The following DYNC1H1 variants were observed in gnomAD, a reference collection of about 807,000 sequenced individuals.
The protein encoded by DYNC1H1 is cytoplasmic dynein 1 heavy chain 1.
Under a neutral mutation model 527.1 loss-of-function variants are expected in DYNC1H1, and 51 were observed. That is an observed-to-expected ratio of 0.10 (90% CI 0.08 to 0.12). DYNC1H1 has a LOEUF of 0.12. DYNC1H1 is among the 10% of genes least tolerant of loss of function. The pLI is 1.00. For synonymous variants in DYNC1H1, 2,189 were observed against 2,278.8 expected, an observed-to-expected ratio of 0.96 and a Z score of 1.12; for missense variants, 2,771 against 5,971.8, an observed-to-expected ratio of 0.46 and a Z score of 17.66.
chr14:101,975,618 G>A, intron 1 of DYNC1H1, 94 bp from the exon 2 acceptor site: 9 of 1,156,282 alleles, frequency 7.8e-6, no homozygotes, highest in Non-Finnish European at 1.2e-5. Flanking sequence ...ATGTCAGGCT[G>A]GGAGTAGGGA....
At chr14:101,989,974 C>G (rs1458687077) in intron 10 of DYNC1H1, among the ~76,000 whole-genome samples, 1 of 152,144 alleles carries the variant, frequency 6.6e-6, no homozygotes, top group Non-Finnish European at 1.5e-5. Context: ...CAGTTGCCTA[C>G]AGTATTCAGT....
At position 102,034,362 on chromosome 14, in the gene DYNC1H1, A is replaced by G. The variant is rs2152592306; in HGVS notation, c.10664A>G (p.Asn3555Ser). 14 of 1,614,210 alleles carry G rather than the reference A, an allele frequency of 8.7e-6. No homozygotes were observed. The highest frequency in any genetic ancestry group is 1.2e-5 in the Non-Finnish European group (14 of 1,180,036). ...TDIARTEYLS[N>S]ADERLRWQAS... ...ATTGCCAGGACGGAATACCTTTCCA[A>G]TGCTGATGAGCGTCTTCGCTGGCAG... is the stretch of plus-strand genomic sequence containing the variant. The change falls in exon 56 of 78, where the codon AAT (asparagine) becomes AGT (serine). Residue 3555 changes from asparagine (N) to serine (S), a missense_variant. Asn to Ser is a conservative substitution (Grantham distance 46). Coordinates refer to ENST00000360184, the MANE Select transcript of DYNC1H1 (RefSeq NM_001376.5).
rs555932101 is a variant in DYNC1H1, at chr14:102,029,469, C to A, written c.9469-70C>A. 8 of 1,609,430 alleles carry A rather than the reference C, an allele frequency of 5.0e-6. No individual in the cohort carries two copies. In the Admixed American group the frequency reaches 1.2e-4, roughly 24 times the overall value. On this transcript the variant is annotated intron_variant, in intron 48 of 77. Transcript: ENST00000360184. This position sits in a 1 kb window ranked among gnomAD's most constrained non-coding sequence, Gnocchi z 5.3. Reference sequence around the variant, plus strand: ...TCATGTCACACCCATCTGCCAAGGCCAAAATTGTTTTCTGAGGTTAAGTCA... The same window carrying A: ...TCATGTCACACCCATCTGCCAAGGCAAAAATTGTTTTCTGAGGTTAAGTCA...
In DYNC1H1 at chr14:102,029,750, G is replaced by A. The variant is rs2048489227; in HGVS notation, c.9642+38G>A. 6.2e-7 allele frequency: 1 copy of A among 1,614,046 alleles called. No individual in the cohort carries two copies. Among genetic ancestry groups the A allele is most frequent in the African/African-American group, 1.3e-5 (1 of 74,920 alleles). ...CACAAATTCCTCACGGGAGTGAGCT[G>A]CAGTGAGGACCCCTTTCCATATAAT... is the stretch of plus-strand genomic sequence containing the variant. On this transcript the variant is annotated intron_variant, in intron 49 of 77. Coordinates refer to ENST00000360184, the MANE Select transcript of DYNC1H1 (RefSeq NM_001376.5). This position sits in a 1 kb window ranked among gnomAD's most constrained non-coding sequence, Gnocchi z 5.3.
rs764787477 is a variant in DYNC1H1 at position 102,033,605 on chromosome 14, G to A, written c.10413+121G>A. The A allele has an allele frequency of 7.6e-7, 1 of 1,323,804 alleles. No individual in the cohort carries two copies. Among genetic ancestry groups the A allele is most frequent in the Non-Finnish European group, 1.1e-6 (1 of 950,246 alleles). 82.0% of individuals were successfully genotyped at this position (1,323,804 alleles called of 1,614,324 possible). A position where few individuals can be genotyped will look rare whatever the true frequency, so the allele number is the denominator to read the frequency against. On this transcript the variant is annotated intron_variant, in intron 54 of 77. Coordinates refer to ENST00000360184, the MANE Select transcript of DYNC1H1 (RefSeq NM_001376.5). This position sits in a 1 kb window ranked among gnomAD's most constrained non-coding sequence, Gnocchi z 5.6. ...GAATTCGCTCTTTAACATCTGTAAG[G>A]CCCCGGAGGACTTTTTTCCTGGAAA... is the stretch of plus-strand genomic sequence containing the variant.
At chr14:101,966,570 T>C (rs2047670679) in intron 1 of DYNC1H1, among the ~76,000 whole-genome samples, 1 of 152,206 alleles carries the variant, frequency 6.6e-6, no homozygotes, top group East Asian at 1.9e-4. Context: ...CATTTTTCAA[T>C]GCATATTCGT....
intron 16 of DYNC1H1, among the ~76,000 whole-genome samples, chr14:101,998,447 C>T (rs755778823): frequency 2.0e-5 from 3 of 152,106 alleles, no homozygotes; most frequent in Non-Finnish European, 2.9e-5. Flanking sequence ...GGGTCCCAGG[C>T]GATTGGTTTG....
In DYNC1H1 at chr14:102,018,300, G is replaced by C. The variant is rs777057124; in HGVS notation, c.8178-151G>C. ...CCCCAAGCCTGAGCAGCGTGTGTGT[G>C]ATCTCAGCTAACACTGATGTCAAGT... On this transcript the variant is annotated intron_variant, in intron 40 of 77. Coordinates refer to ENST00000360184, the MANE Select transcript of DYNC1H1 (RefSeq NM_001376.5). This position sits in a 1 kb window ranked among gnomAD's most constrained non-coding sequence, Gnocchi z 5.2. The C allele has an allele frequency of 6.5e-6, 7 of 1,074,128 alleles. No individual in the cohort carries two copies. Among genetic ancestry groups the C allele is most frequent in the African/African-American group, 1.6e-5 (1 of 64,248 alleles). The allele number at this position is 1,074,128 out of a possible 1,614,324, so 66.5% of individuals were successfully genotyped here. A position where few individuals can be genotyped will look rare whatever the true frequency, so the allele number is the denominator to read the frequency against.
At position 102,014,512 on chromosome 14, in the gene DYNC1H1, A is replaced by G. The variant is rs1460644300; in HGVS notation, c.7015-593A>G. Reference sequence around the variant, plus strand: ...GCCATTGCATTCGAGCCTGGGCAACAGGAGCAAAACTCCATCTCAAAAAAA... The same window carrying G: ...GCCATTGCATTCGAGCCTGGGCAACGGGAGCAAAACTCCATCTCAAAAAAA... On this transcript the variant is annotated intron_variant, in intron 34 of 77. Coordinates refer to ENST00000360184, the MANE Select transcript of DYNC1H1 (RefSeq NM_001376.5). Among the ~76,000 whole-genome samples, 3 of 149,704 alleles carry G rather than the reference A, an allele frequency of 2.0e-5. No homozygotes were observed. The East Asian group carries it at 6.0e-4, about 30-fold the overall frequency.
rs758972677 is a variant in DYNC1H1, at chr14:102,050,187, A to G, written c.13801A>G (p.Lys4601Glu). 6.2e-6 allele frequency: 10 copies of G among 1,613,764 alleles called. No homozygotes were observed. The highest frequency in any genetic ancestry group is 1.6e-4 in the Middle Eastern group (1 of 6,084). Reference protein sequence around the residue: ...RWVKQTNTEKKASVVTLPVYL... With the variant: ...RWVKQTNTEKEASVVTLPVYL... ...GGTCAAGCAGACAAACACCGAGAAG[A>G]AGGCCAGTGTGGTAAGGAGGCACTG... The change falls in exon 77 of 78, where the codon AAG (lysine) becomes GAG (glutamate). Residue 4601 changes from lysine (K) to glutamate (E), a missense_variant. Transcript: ENST00000360184.
chr14:102,006,234 A>ATGATTTGAATGTACTTCTTT, intron 27 of DYNC1H1, 64 bp downstream of exon 27: 1 of 1,595,674 alleles, frequency 6.3e-7, no homozygotes, highest in South Asian at 1.1e-5. Flanking sequence ...GATAAAGCTA[A>ATGATTTGAATGTACTTCTTT]TGATTTGAAT....
Position 102,027,751 on chromosome 14 carries a change from A to G in DYNC1H1, c.9181A>G (p.Asn3061Asp). The G allele has an allele frequency of 6.2e-7, 1 of 1,614,148 alleles. No homozygotes were observed. Among genetic ancestry groups the G allele is most frequent in the East Asian group, 2.2e-5 (1 of 44,868 alleles). ...YKWFTSQVIR[N>D]LHVVFTMNPS... Reference sequence around the variant, plus strand: ...GTGGTTCACTAGCCAGGTTATCCGCAACCTCCACGTCGTGTTCACCATGAA... The same window carrying G: ...GTGGTTCACTAGCCAGGTTATCCGCGACCTCCACGTCGTGTTCACCATGAA... The change falls in exon 47 of 78, where the codon AAC (asparagine) becomes GAC (aspartate). Residue 3061 changes from asparagine to aspartate, a missense_variant. Around this residue, in one of 32 missense-constraint regions of DYNC1H1, gnomAD observed 84 missense variants for 285.4 expected, o/e 0.29. Transcript: ENST00000360184. This position sits in a 1 kb window ranked among gnomAD's most constrained non-coding sequence, Gnocchi z 7.7.
At chr14:101,994,500 C>T (rs572625151) in intron 12 of DYNC1H1, among the ~76,000 whole-genome samples, 173 bp from the exon 13 acceptor site, 1 of 152,222 alleles carries the variant, frequency 6.6e-6, no homozygotes, top group Admixed American at 6.5e-5. Context: ...TGAGTTTTAA[C>T]CATGACGTTC....
At chr14:101,967,123 T>C (rs929723061) in intron 1 of DYNC1H1, among the ~76,000 whole-genome samples, 1 of 152,226 alleles carries the variant, frequency 6.6e-6, no homozygotes, top group African/African-American at 2.4e-5. Flanking sequence ...AGTTTTATGA[T>C]AGATGGTCTG....
intron 28 of DYNC1H1, among the ~76,000 whole-genome samples, chr14:102,007,660 A>G (rs927028423): frequency 3.3e-5 from 5 of 152,168 alleles, no homozygotes; most frequent in South Asian, 2.1e-4. Flanking sequence ...GGAGATGTGC[A>G]TTTCAAAAAG....
Position 102,002,724 on chromosome 14 carries a change from G to A in DYNC1H1, c.4709+21G>A. ...CAGAGGTATGGCCTCCAGCCAGAGA[G>A]CCAAATTTGCCAGCGGCTAGTGACT... On this transcript the variant is annotated intron_variant, in intron 22 of 77. Coordinates refer to ENST00000360184, the MANE Select transcript of DYNC1H1 (RefSeq NM_001376.5). The surrounding 1 kb of genome is among the most constrained non-coding windows in gnomAD (Gnocchi z 4.4). The A allele has an allele frequency of 6.2e-7, 1 of 1,614,216 alleles. No homozygotes were observed. Among genetic ancestry groups the A allele is most frequent in the South Asian group, 1.1e-5 (1 of 91,074 alleles).
intron 43 of DYNC1H1, among the ~76,000 whole-genome samples, chr14:102,024,299 C>T (rs902039627): frequency 6.6e-6 from 1 of 152,202 alleles, no homozygotes; most frequent in Non-Finnish European, 1.5e-5. Flanking sequence ...AGGACGTTTA[C>T]CGAGTTACAG....
chr14:102,019,110 T>C (rs1047783143), intron 41 of DYNC1H1, among the ~76,000 whole-genome samples: 1 of 152,240 alleles, frequency 6.6e-6, no homozygotes, highest in Non-Finnish European at 1.5e-5. Flanking sequence ...TGCATGTGTA[T>C]GTATGTGTAT....
rs530444638 is a variant in DYNC1H1, at chr14:102,046,227, CAG to C, written c.13006+1530_13006+1531del. 3.1e-3 allele frequency among the ~76,000 whole-genome samples: 476 copies of C among 151,904 alleles called. 1 individual carries two copies. The highest frequency in any genetic ancestry group is 0.011 in the African/African-American group (458 of 41,434). ...CCTGCCCAGGCGCACTCTATCAGGA[CAG>C]GGGATGGGCCCAGCAACTGGCCTTC... On this transcript the variant is annotated intron_variant, in intron 72 of 77. Coordinates refer to ENST00000360184, the MANE Select transcript of DYNC1H1 (RefSeq NM_001376.5).
Sources: gnomAD v4.1 joint callset for allele counts (sites outside exome capture counted in the v4.1 genomes callset) on GRCh38, gnomAD v4.1.1 for gene constraint, gnomAD v4.1.1 regional missense constraint, Gnocchi (gnomAD v3.1) non-coding constraint, MANE v1.5 for transcripts, NCBI Gene and HGNC (gene_info 2026-07-23, HGNC 2026-07-21) for gene names.